LDLRAD4: variants seen among roughly 807,000 people sequenced by gnomAD.
The protein encoded by LDLRAD4 is low density lipoprotein receptor class A domain containing 4.
Under a neutral mutation model 17.0 loss-of-function variants are expected in LDLRAD4, and 5 were observed. The observed-to-expected ratio is 0.29, with a 90% CI of 0.15 to 0.62. The LOEUF (loss-of-function observed/expected upper bound fraction) is 0.62. Ranked by LOEUF, LDLRAD4 falls within the 20% of genes least tolerant of loss-of-function variation. LDLRAD4 has a pLI of 0.84. For synonymous variants in LDLRAD4, 168 were observed against 171.8 expected (o/e 0.98, Z 0.17); for missense variants, 340 against 424.7 (o/e 0.80, Z 1.75).
At chr18:13,290,366 G>A (rs1020915984) in intron 1 of LDLRAD4, among the ~76,000 whole-genome samples, 7 of 152,120 alleles carry the variant, frequency 4.6e-5, no homozygotes, top group African/African-American at 1.7e-4. Context: ...ATTAATCGTT[G>A]TTTATATCTT....
chr18:13,316,535 C>G (rs569593931), intron 1 of LDLRAD4, among the ~76,000 whole-genome samples: 19 of 152,310 alleles, frequency 1.2e-4, no homozygotes, highest in Non-Finnish European at 1.9e-4. Flanking sequence ...GCCACGTAAA[C>G]AGCAAAGCCA....
At chr18:13,325,368 G>A (rs2081463159) in intron 1 of LDLRAD4, among the ~76,000 whole-genome samples, 1 of 152,186 alleles carries the variant, frequency 6.6e-6, no homozygotes, top group African/African-American at 2.4e-5. Context: ...TTCAAGAGGT[G>A]GAGATGCAGA....
At position 13,595,138 on chromosome 18, in the gene LDLRAD4, C is replaced by T. The variant is rs367911240; in HGVS notation, c.182-25979C>T. On this transcript the variant is annotated intron_variant, in intron 3 of 5. Transcript: ENST00000359446. ...TCTTTTCTTTTTTTCCTATGTCAGT[C>T]TACTAAAGATTTCTTAATTTTTTCT... is the stretch of plus-strand genomic sequence containing the variant. 4.6e-5 allele frequency among the ~76,000 whole-genome samples: 7 copies of T among 152,034 alleles called. No individual in the cohort carries two copies. In the East Asian group the frequency reaches 1.4e-3, roughly 29 times the overall value.
At chr18:13,332,069 G>T (rs2081890502) in intron 1 of LDLRAD4, among the ~76,000 whole-genome samples, 1 of 152,190 alleles carries the variant, frequency 6.6e-6, no homozygotes, top group African/African-American at 2.4e-5. Flanking sequence ...TTTGCAGGGG[G>T]TGGGTAGCCT....
intron 3 of LDLRAD4, among the ~76,000 whole-genome samples, chr18:13,563,918 T>G (rs1472136115): frequency 5.0e-5 from 3 of 60,384 alleles, no homozygotes; most frequent in Non-Finnish European, 1.4e-4. Flanking sequence ...TTTACATTTT[T>G]TAAGAGAGTC....
At chr18:13,585,258 G>A (rs906321158) in intron 3 of LDLRAD4, 3 of 152,220 alleles carry the variant, frequency 2.0e-5, no homozygotes, top group African/African-American at 4.8e-5. Flanking sequence ...AATGCATCAG[G>A]AACAAATCTG....
intron 1 of LDLRAD4, among the ~76,000 whole-genome samples, chr18:13,288,583 A>G (rs1217329328): frequency 6.6e-6 from 1 of 152,080 alleles, no homozygotes; most frequent in Non-Finnish European, 1.5e-5. Flanking sequence ...TGCAGAAGTC[A>G]CTCTGCAAGG....
chr18:13,586,996 A>T (rs188256495), intron 3 of LDLRAD4, among the ~76,000 whole-genome samples: 34 of 152,314 alleles, frequency 2.2e-4, no homozygotes, highest in Admixed American at 1.9e-3. Context: ...AGACCCAGAG[A>T]AATCAGATTG....
At chr18:13,327,171 A>G (rs753105792) in intron 1 of LDLRAD4, among the ~76,000 whole-genome samples, 11 of 151,972 alleles carry the variant, frequency 7.2e-5, no homozygotes, top group Admixed American at 1.3e-4. Context: ...GGGCTTCTGC[A>G]TGGTTATCCA....
chr18:13,541,566 C>G (rs1212591615), intron 3 of LDLRAD4, among the ~76,000 whole-genome samples: 1 of 152,158 alleles, frequency 6.6e-6, no homozygotes, highest in Non-Finnish European at 1.5e-5. Context: ...TGGTCTTTCT[C>G]ATAGAAAGAC....
intron 1 of LDLRAD4, among the ~76,000 whole-genome samples, chr18:13,219,564 T>C (rs2041335145): frequency 6.6e-6 from 1 of 152,148 alleles, no homozygotes; most frequent in African/African-American, 2.4e-5. Flanking sequence ...GAGGTAAGAG[T>C]AGCTGCACAG....
intron 3 of LDLRAD4, among the ~76,000 whole-genome samples, chr18:13,513,778 T>C (rs2093819715): frequency 6.6e-6 from 1 of 152,236 alleles, no homozygotes; most frequent in South Asian, 2.1e-4. Flanking sequence ...GTGTATAAGG[T>C]GGGTCCTACC....
Position 13,609,508 on chromosome 18 carries a change from G to A in LDLRAD4, c.182-11609G>A, listed in dbSNP as rs185208122. The stretch of plus-strand genomic sequence containing the variant: ...CATGTCCCCAGACACCCACAGGAGC[G>A]CTCATTATGCGTGTGTGTGTGCGTG... On this transcript the variant is annotated intron_variant, in intron 3 of 5. Coordinates refer to ENST00000359446, the Ensembl canonical transcript of LDLRAD4. Among the ~76,000 whole-genome samples the A allele has an allele frequency of 7.2e-4, 105 of 145,816 alleles. 2 individuals are homozygous for A. In the East Asian group the frequency reaches 0.02, roughly 27 times the overall value.
chr18:13,493,313 C>T (rs1375567015), intron 3 of LDLRAD4, among the ~76,000 whole-genome samples: 2 of 152,134 alleles, frequency 1.3e-5, no homozygotes, highest in Admixed American at 1.3e-4. Context: ...GTGAGTCTGT[C>T]TTTCTTTTTC....
At chr18:13,646,759 A>G (rs2043030474) in exon 6 of LDLRAD4, 1 of 152,610 alleles carries the variant, frequency 6.6e-6, no homozygotes, top group South Asian at 2.1e-4. Flanking sequence ...ATACTGTTGA[A>G]ATATGTGACT....
At chr18:13,573,128 G>A (rs984729874) in intron 3 of LDLRAD4, among the ~76,000 whole-genome samples, 10 of 151,982 alleles carry the variant, frequency 6.6e-5, no homozygotes, top group South Asian at 4.2e-4. Context: ...TTTTTGAGAC[G>A]GAGTCTCGCT....
intron 3 of LDLRAD4, among the ~76,000 whole-genome samples, chr18:13,523,376 G>A (rs1167722184): frequency 6.6e-6 from 1 of 152,218 alleles, no homozygotes. Flanking sequence ...GAGCCACACT[G>A]TTGGGAGGGG....
chr18:13,499,419 CCTT>C (rs1326810093), intron 3 of LDLRAD4, among the ~76,000 whole-genome samples: 1 of 145,322 alleles, frequency 6.9e-6, no homozygotes, highest in East Asian at 2.1e-4. Flanking sequence ...ACTGGAGAAT[CCTT>C]CTCGCCACAC....
At chr18:13,457,345 C>G (rs1052070885) in intron 3 of LDLRAD4, among the ~76,000 whole-genome samples, 1 of 152,222 alleles carries the variant, frequency 6.6e-6, no homozygotes, top group South Asian at 2.1e-4. Context: ...ATGTGGAGTC[C>G]TGTGCCCTCC....
Sources: gnomAD v4.1 joint callset for allele counts (sites outside exome capture counted in the v4.1 genomes callset) on GRCh38, gnomAD v4.1.1 for gene constraint, MANE v1.5 for transcripts, NCBI Gene and HGNC (gene_info 2026-07-23, HGNC 2026-07-21) for gene names.